THSD7B: variants seen among roughly 807,000 people sequenced by gnomAD.
THSD7B encodes the protein thrombospondin type-1 domain-containing protein 7B.
In THSD7B, 138 loss-of-function variants were observed where a neutral mutation model predicts 213.6. The observed-to-expected ratio is 0.65, with a 90% CI of 0.56 to 0.74. THSD7B has a LOEUF of 0.74. Among genes scored for constraint, THSD7B ranks in the 30% least tolerant of loss-of-function variants. The pLI is 0.00. For missense variants in THSD7B, 1,931 were observed against 1,991.5 expected, an observed-to-expected ratio of 0.97 and a Z score of 0.58; for synonymous variants, 742 against 687.0, an observed-to-expected ratio of 1.08 and a Z score of -1.25.
At chr2:137,061,401 A>G (rs1687267573) in intron 3 of THSD7B, among the ~76,000 whole-genome samples, 1 of 147,250 alleles carries the variant, frequency 6.8e-6, no homozygotes, top group Non-Finnish European at 1.5e-5. Flanking sequence ...GTACAATGTT[A>G]TACAGGAGTG....
At chr2:137,023,676 A>G (rs1206408750) in intron 2 of THSD7B, among the ~76,000 whole-genome samples, 1 of 152,084 alleles carries the variant, frequency 6.6e-6, no homozygotes, top group African/African-American at 2.4e-5. Flanking sequence ...TTAAGAAAGA[A>G]TAAGATAAAA....
intron 6 of THSD7B, 47 bp from the exon 7 acceptor site, chr2:137,170,694 T>C (rs748093103): frequency 3.2e-6 from 5 of 1,575,460 alleles, no homozygotes; most frequent in Non-Finnish European, 4.3e-6. Flanking sequence ...TTTCCTTTCC[T>C]GGAAAAGAGT....
intron 5 of THSD7B, among the ~76,000 whole-genome samples, chr2:137,118,858 A>G (rs916396215): frequency 4.7e-4 from 71 of 152,146 alleles, no homozygotes; most frequent in African/African-American, 8.7e-4. Context: ...AGGCCTCACA[A>G]TCATGGCAGA....
chr2:136,850,606 T>A (rs764503534), intron 1 of THSD7B, among the ~76,000 whole-genome samples: 3 of 151,634 alleles, frequency 2.0e-5, no homozygotes, highest in African/African-American at 4.8e-5. Context: ...AAAAAAAAAA[T>A]GTGAGTATGG....
At chr2:137,087,265 A>G (rs1687858685) in intron 3 of THSD7B, among the ~76,000 whole-genome samples, 2 of 152,200 alleles carry the variant, frequency 1.3e-5, no homozygotes, top group Non-Finnish European at 2.9e-5. Flanking sequence ...ATTTATACTT[A>G]TTAATTACAC....
intron 14 of THSD7B, among the ~76,000 whole-genome samples, chr2:137,432,669 A>T (rs1454340276): frequency 6.6e-6 from 1 of 152,176 alleles, no homozygotes; most frequent in Admixed American, 6.5e-5. Context: ...TTCATGTACC[A>T]TGTGGACTTC....
intron 1 of THSD7B, among the ~76,000 whole-genome samples, chr2:136,863,810 T>C (rs780881988): frequency 6.6e-6 from 1 of 152,182 alleles, no homozygotes; most frequent in Non-Finnish European, 1.5e-5. Flanking sequence ...ATCAAACTGA[T>C]ATTAACCTCT....
At chr2:137,575,628 C>T (rs1271943151) in intron 17 of THSD7B, among the ~76,000 whole-genome samples, 1 of 151,080 alleles carries the variant, frequency 6.6e-6, no homozygotes, top group African/African-American at 2.4e-5. Flanking sequence ...ATGGATCAAG[C>T]AAAAACAAAT....
At chr2:137,217,068 A>G (rs1681262300) in intron 7 of THSD7B, among the ~76,000 whole-genome samples, 1 of 152,172 alleles carries the variant, frequency 6.6e-6, no homozygotes, top group African/African-American at 2.4e-5. Flanking sequence ...CCTTCCATCC[A>G]GAATTGTTTC....
intron 15 of THSD7B, among the ~76,000 whole-genome samples, chr2:137,535,803 G>A (rs1161767234): frequency 1.3e-5 from 2 of 151,400 alleles, no homozygotes; most frequent in Non-Finnish European, 3.0e-5. Flanking sequence ...CTGAGATGAC[G>A]ACATCAGACA....
intron 12 of THSD7B, among the ~76,000 whole-genome samples, chr2:137,293,231 T>G (rs1450150981): frequency 6.6e-6 from 1 of 151,826 alleles, no homozygotes; most frequent in Non-Finnish European, 1.5e-5. Flanking sequence ...CTCAACCTCC[T>G]AGGCTCAAGG....
chr2:136,802,637 GTTTATATA>G (rs1682205155), intron 1 of THSD7B, among the ~76,000 whole-genome samples: 3 of 39,026 alleles, frequency 7.7e-5, no homozygotes, highest in African/African-American at 2.2e-4. Context: ...TATGAATTAA[GTTTATATA>G]TATATATATA....
chr2:137,612,573 G>C (rs552790827), intron 17 of THSD7B, among the ~76,000 whole-genome samples: 6 of 152,236 alleles, frequency 3.9e-5, no homozygotes, highest in African/African-American at 9.6e-5. Context: ...AATGAAAAAA[G>C]AAAATAAATT....
chr2:137,575,742 A>ATATATATATATATATATATTTTTTT (rs1235744133), intron 17 of THSD7B, among the ~76,000 whole-genome samples: 3 of 147,416 alleles, frequency 2.0e-5, no homozygotes, highest in Admixed American at 6.8e-5. Context: ...ATATATATAT[A>ATATATATATATATATATATTTTTTT]TTTTTACTTT....
intron 7 of THSD7B, among the ~76,000 whole-genome samples, chr2:137,196,581 G>A (rs1364708857): frequency 6.6e-6 from 1 of 152,026 alleles, no homozygotes; most frequent in Non-Finnish European, 1.5e-5. Context: ...CATAAATTCA[G>A]AGTCAGGAAT....
At chr2:137,635,322 A>G (rs538585897) in intron 20 of THSD7B, among the ~76,000 whole-genome samples, 1 of 152,262 alleles carries the variant, frequency 6.6e-6, no homozygotes, top group South Asian at 2.1e-4. Context: ...ATTGATACCT[A>G]TTGTCATGTC....
chr2:137,412,523 G>GT (rs911479193), intron 14 of THSD7B, among the ~76,000 whole-genome samples: 13 of 149,208 alleles, frequency 8.7e-5, no homozygotes, highest in Admixed American at 4.0e-4. Flanking sequence ...CTTGAACCCG[G>GT]GGGGCAGAGG....
At chr2:136,801,903 G>A (rs1682188926) in intron 1 of THSD7B, among the ~76,000 whole-genome samples, 1 of 152,118 alleles carries the variant, frequency 6.6e-6, no homozygotes, top group Non-Finnish European at 1.5e-5. Context: ...ATTTCATTCT[G>A]ATTGCATAAT....
intron 12 of THSD7B, among the ~76,000 whole-genome samples, chr2:137,343,721 A>G (rs1417793243): frequency 6.6e-6 from 1 of 151,842 alleles, no homozygotes; most frequent in Non-Finnish European, 1.5e-5. Context: ...CTGCACTAAA[A>G]GACATGTTTA....
Sources: allele counts gnomAD v4.1 joint callset (sites outside exome capture counted in the v4.1 genomes callset), GRCh38; gene constraint gnomAD v4.1.1; transcripts MANE v1.5; gene names NCBI Gene and HGNC (gene_info 2026-07-23, HGNC 2026-07-21).